The following GNB1 variants were observed in gnomAD, a reference collection of about 807,000 sequenced individuals.
GNB1 encodes G protein subunit beta 1, also known as guanine nucleotide-binding protein G(I)/G(S)/G(T) subunit beta-1.
In GNB1, 2 loss-of-function variants were observed where a neutral mutation model predicts 42.9. The ratio of observed to expected loss-of-function variants is 0.05; its 90% CI spans 0.02 to 0.15. The LOEUF is 0.15. Among genes scored for constraint, GNB1 ranks in the 10% least tolerant of loss-of-function variants. The pLI, the probability that GNB1 is intolerant of heterozygous loss-of-function variation, is 1.00. For missense variants in GNB1, 193 were observed against 462.2 expected, an observed-to-expected ratio of 0.42 and a Z score of 5.34; for synonymous variants, 183 against 174.7, an observed-to-expected ratio of 1.05 and a Z score of -0.38.
At chr1:1,888,566 G>A (rs1426285326) in intron 1 of GNB1, among the ~76,000 whole-genome samples, 1 of 152,120 alleles carries the variant, frequency 6.6e-6, no homozygotes. Context: ...GGCTGGGCGC[G>A]GTGGCTCACG....
At chr1:1,789,332 G>T in intron 9 of GNB1, 63 bp from the exon 10 acceptor site, 1 of 923,646 alleles carries the variant, frequency 1.1e-6, no homozygotes, top group Non-Finnish European at 1.8e-6. Context: ...TGGGAATATG[G>T]ATTGCTCAAT....
At chr1:1,878,022 G>A (rs1452712865) in intron 1 of GNB1, among the ~76,000 whole-genome samples, 2 of 152,152 alleles carry the variant, frequency 1.3e-5, no homozygotes, top group East Asian at 3.8e-4. Flanking sequence ...GGTCTATAAT[G>A]CATAGGCTCC....
Position 1,807,463 on chromosome 1 carries a change from G to GAAAAAAAA in GNB1, c.204-933_204-926dup, listed in dbSNP as rs533616486. On this transcript the variant is annotated intron_variant, in intron 5 of 11. Transcript: ENST00000378609. ...TGGGCAACAGAGCGAGATCCTGACT[G>GAAAAAAAA]AAAAAAAAAAAAAAAAAAAAAAAAA... Among the ~76,000 whole-genome samples the GAAAAAAAA allele has an allele frequency of 1.6e-3, 42 of 25,586 alleles. 6 individuals are homozygous for GAAAAAAAA. The highest frequency in any genetic ancestry group is 5.2e-3 in the African/African-American group (23 of 4,424). The allele number at this position is 25,586 out of a possible 152,430, so 16.8% of individuals were successfully genotyped here. A position where few individuals can be genotyped will look rare whatever the true frequency, so the allele number is the denominator to read the frequency against.
At chr1:1,810,068 A>G (rs1646754023) in intron 5 of GNB1, among the ~76,000 whole-genome samples, 2 of 151,814 alleles carry the variant, frequency 1.3e-5, no homozygotes, top group Admixed American at 6.6e-5. Context: ...CCCTGTCTCC[A>G]CAAAAAAATA....
intron 1 of GNB1, among the ~76,000 whole-genome samples, chr1:1,869,542 C>T (rs1243578969): frequency 1.3e-5 from 2 of 152,152 alleles, no homozygotes; most frequent in Non-Finnish European, 2.9e-5. Flanking sequence ...GCTTCCTCCT[C>T]CCGTGAATCC....
At chr1:1,863,110 G>A (rs1031037150) in intron 1 of GNB1, among the ~76,000 whole-genome samples, 8 of 152,212 alleles carry the variant, frequency 5.3e-5, no homozygotes, top group East Asian at 1.9e-4. Flanking sequence ...CATCACTGGC[G>A]TCTGTTCATC....
At chr1:1,830,553 T>C (rs372413533) in intron 2 of GNB1, among the ~76,000 whole-genome samples, 1 of 151,788 alleles carries the variant, frequency 6.6e-6, no homozygotes, top group Admixed American at 6.6e-5. Flanking sequence ...CCAGCCTTAA[T>C]GTTACATTTT....
intron 1 of GNB1, among the ~76,000 whole-genome samples, chr1:1,845,559 C>T (rs1647599599): frequency 6.6e-6 from 1 of 151,506 alleles, no homozygotes; most frequent in Non-Finnish European, 1.5e-5. Context: ...GGTGACAGTG[C>T]GAGACTCCGT....
intron 1 of GNB1, among the ~76,000 whole-genome samples, chr1:1,867,108 A>G (rs1648985877): frequency 6.6e-6 from 1 of 152,094 alleles, no homozygotes; most frequent in Non-Finnish European, 1.5e-5. Flanking sequence ...CTCTATTAAA[A>G]ATACAAAAAT....
chr1:1,869,434 T>A (rs1649128645), intron 1 of GNB1, among the ~76,000 whole-genome samples: 1 of 152,138 alleles, frequency 6.6e-6, no homozygotes, highest in African/African-American at 2.4e-5. Context: ...AGCCCCCACC[T>A]TAGTGTCTCT....
At chr1:1,840,550 C>A (rs1458472527) in intron 1 of GNB1, among the ~76,000 whole-genome samples, 1 of 152,200 alleles carries the variant, frequency 6.6e-6, no homozygotes, top group Non-Finnish European at 1.5e-5. Flanking sequence ...CACACACACA[C>A]ACAGACACAA....
chr1:1,820,183 C>T (rs988812291), intron 3 of GNB1, among the ~76,000 whole-genome samples: 5 of 151,636 alleles, frequency 3.3e-5, no homozygotes, highest in Non-Finnish European at 5.9e-5. Flanking sequence ...ATGGTGAAAC[C>T]CCATCCCTAC....
chr1:1,865,014 G>A (rs1045369666), intron 1 of GNB1, among the ~76,000 whole-genome samples: 2 of 152,170 alleles, frequency 1.3e-5, no homozygotes, highest in Non-Finnish European at 2.9e-5. Flanking sequence ...TGTAATCCCA[G>A]CACTTTGGGA....
chr1:1,788,978 G>A (rs1646443308), intron 10 of GNB1, 75 bp downstream of exon 10: 4 of 1,076,898 alleles, frequency 3.7e-6, no homozygotes, highest in Non-Finnish European at 5.7e-6. Flanking sequence ...TGCAGCTTAT[G>A]CAACCACTCT....
At chr1:1,859,242 G>C (rs373466917) in intron 1 of GNB1, among the ~76,000 whole-genome samples, 13 of 152,184 alleles carry the variant, frequency 8.5e-5, no homozygotes, top group African/African-American at 3.1e-4. Flanking sequence ...GGCTGGTCTC[G>C]AATTCCTGAC....
intron 7 of GNB1, among the ~76,000 whole-genome samples, chr1:1,796,448 T>C (rs1283558097): frequency 6.6e-6 from 1 of 152,204 alleles, no homozygotes; most frequent in Non-Finnish European, 1.5e-5. Context: ...TCCTCTAAGT[T>C]CTTTTAGAAG....
chr1:1,856,294 C>A (rs1006199243), intron 1 of GNB1, among the ~76,000 whole-genome samples: 2 of 152,070 alleles, frequency 1.3e-5, no homozygotes, highest in African/African-American at 4.8e-5. Context: ...ATAGGGCTTT[C>A]TTTTTTTAAA....
chr1:1,824,967 T>C (rs184711604), intron 3 of GNB1: 2 of 157,260 alleles, frequency 1.3e-5, no homozygotes, highest in East Asian at 3.7e-4. Context: ...CTTTCAAAAT[T>C]AGGAAAAAAT....
At chr1:1,822,855 T>C (rs1159208546) in intron 3 of GNB1, among the ~76,000 whole-genome samples, 2 of 152,216 alleles carry the variant, frequency 1.3e-5, no homozygotes, top group African/African-American at 4.8e-5. Context: ...AGTCCACTAT[T>C]TGTGAACAAC....
Sources: gnomAD v4.1 joint callset for allele counts (sites outside exome capture counted in the v4.1 genomes callset) on GRCh38, gnomAD v4.1.1 for gene constraint, MANE v1.5 for transcripts, NCBI Gene and HGNC (gene_info 2026-07-23, HGNC 2026-07-21) for gene names.